FMN2: variants seen among roughly 807,000 people sequenced by gnomAD.
FMN2 encodes the protein formin-2.
A neutral mutation model predicts 142.3 loss-of-function variants in FMN2; 51 were observed. The observed-to-expected ratio is 0.36, with a 90% CI of 0.29 to 0.45. FMN2 has a LOEUF of 0.45. FMN2 is among the 20% of genes least tolerant of loss of function. The probability of loss-of-function intolerance (pLI) is 1.00; values close to 1 mark genes in which losing one functional copy is unlikely to be tolerated. For missense variants in FMN2, 1,936 were observed against 2,122.8 expected (o/e 0.91, Z 1.73); for synonymous variants, 882 against 869.8 (o/e 1.01, Z -0.25).
At chr1:240,345,361 A>G (rs1310055560) in intron 13 of FMN2, among the ~76,000 whole-genome samples, 1 of 152,216 alleles carries the variant, frequency 6.6e-6, no homozygotes, top group Non-Finnish European at 1.5e-5. Context: ...GTTAAAAGTC[A>G]GAGAATGTGA....
At chr1:240,186,118 T>G (rs1665438107) in intron 3 of FMN2, among the ~76,000 whole-genome samples, 1 of 152,186 alleles carries the variant, frequency 6.6e-6, no homozygotes, top group Non-Finnish European at 1.5e-5. Flanking sequence ...CATCATGCTA[T>G]TCTCAGTGAG....
chr1:240,232,249 CTTT>C (rs77988184), intron 6 of FMN2, among the ~76,000 whole-genome samples: 3 of 99,536 alleles, frequency 3.0e-5, no homozygotes, highest in East Asian at 2.6e-4. Context: ...CCCAGCTAAT[CTTT>C]TTTTTTTTTT....
intron 14 of FMN2, among the ~76,000 whole-genome samples, chr1:240,383,293 C>T (rs1673292569): frequency 6.6e-6 from 1 of 152,086 alleles, no homozygotes; most frequent in African/African-American, 2.4e-5. Context: ...CGCTTCTGCA[C>T]AGCAGAAGAG....
chr1:240,446,666 T>C (rs1675827518), intron 16 of FMN2, among the ~76,000 whole-genome samples: 1 of 152,238 alleles, frequency 6.6e-6, no homozygotes, highest in African/African-American at 2.4e-5. Context: ...CAAATGGTTA[T>C]AATTTGCTAG....
chr1:240,127,121 CTT>C (rs769189578), intron 2 of FMN2, among the ~76,000 whole-genome samples: 16 of 138,080 alleles, frequency 1.2e-4, no homozygotes, highest in Non-Finnish European at 9.5e-5. Context: ...AGGAATATGG[CTT>C]TTTTTTTTTT....
chr1:240,206,652 G>A, intron 4 of FMN2, 147 bp from the exon 5 acceptor site: 1 of 967,546 alleles, frequency 1.0e-6, no homozygotes, highest in South Asian at 1.8e-5. Context: ...GCAAGCCAGG[G>A]GACACATAGA....
At chr1:240,470,096 G>A in intron 16 of FMN2, among the ~76,000 whole-genome samples, 1 of 151,632 alleles carries the variant, frequency 6.6e-6, no homozygotes, top group South Asian at 2.1e-4. Flanking sequence ...AAATTAAGAT[G>A]CTTTGAGGAT....
chr1:240,094,172 C>T (rs1661118606), intron 1 of FMN2, among the ~76,000 whole-genome samples: 1 of 152,114 alleles, frequency 6.6e-6, no homozygotes, highest in African/African-American at 2.4e-5. Flanking sequence ...TATTCCGGTA[C>T]GATCCAAAGG....
chr1:240,092,037 C>G lies in FMN2; in HGVS notation c.-73C>G, dbSNP rs1223859595. On this transcript the variant is annotated 5_prime_UTR_variant, in exon 1 of 18. Transcript: ENST00000319653. ...ACTCTCCCGGGAGACTCCCTAGGCC[C>G]GGACCTGGGGCCGAGGAGGGCCGGG... The G allele has an allele frequency of 1.3e-6, 2 of 1,484,002 alleles. No homozygotes were observed. The highest frequency in any genetic ancestry group is 1.8e-6 in the Non-Finnish European group (2 of 1,122,334). The allele number at this position is 1,484,002 out of a possible 1,614,324, so 91.9% of individuals were successfully genotyped here.
chr1:240,380,667 C>A (rs1236899831), intron 14 of FMN2, among the ~76,000 whole-genome samples: 14 of 149,038 alleles, frequency 9.4e-5, no homozygotes, highest in African/African-American at 3.5e-4. Context: ...TGTAACATTG[C>A]ATCTCAAGGA....
intron 11 of FMN2, among the ~76,000 whole-genome samples, chr1:240,333,204 A>G (rs1671438468): frequency 6.6e-6 from 1 of 152,182 alleles, no homozygotes; most frequent in Admixed American, 6.5e-5. Context: ...TAAACCAGAA[A>G]GGAGGTGAAA....
intron 5 of FMN2, 62 bp downstream of exon 5, chr1:240,208,794 T>G (rs989021624): frequency 6.6e-7 from 1 of 1,509,028 alleles, no homozygotes; most frequent in Non-Finnish European, 8.9e-7. Context: ...GTGTTTACCT[T>G]CAAACTCGGG....
chr1:240,177,194 T>A (rs1257757458), intron 2 of FMN2, among the ~76,000 whole-genome samples: 1 of 152,178 alleles, frequency 6.6e-6, no homozygotes, highest in African/African-American at 2.4e-5. Context: ...GAAATCCTAA[T>A]GAGCAGTTTT....
Position 240,204,231 on chromosome 1 carries a change from T to C in FMN2, c.1987-2568T>C, listed in dbSNP as rs1216412509. ...CTTCAGCTGTCAGCAAACATCATGA[T>C]TGACCTTCAGCAAGTTAAATGTTGT... On this transcript the variant is annotated intron_variant, in intron 4 of 17. Coordinates refer to ENST00000319653, the MANE Select transcript of FMN2 (RefSeq NM_020066.5). 2.6e-5 allele frequency among the ~76,000 whole-genome samples: 4 copies of C among 152,316 alleles called. No homozygotes were observed. In the East Asian group the frequency reaches 5.8e-4, roughly 22 times the overall value.
chr1:240,115,833 C>G (rs1413718274), intron 1 of FMN2, among the ~76,000 whole-genome samples: 5 of 152,196 alleles, frequency 3.3e-5, no homozygotes, highest in African/African-American at 1.2e-4. Flanking sequence ...ATAGGCGGAG[C>G]AGCCCTGAGG....
At chr1:240,158,647 G>A (rs565813651) in intron 2 of FMN2, among the ~76,000 whole-genome samples, 1 of 152,190 alleles carries the variant, frequency 6.6e-6, no homozygotes, top group African/African-American at 2.4e-5. Flanking sequence ...GCTCTCCCAA[G>A]CTACTACTTA....
At chr1:240,122,075 A>AATTAATTTATTTATTT (rs547438686) in intron 1 of FMN2, among the ~76,000 whole-genome samples, 21 of 146,688 alleles carry the variant, frequency 1.4e-4, no homozygotes, top group African/African-American at 5.0e-4. Flanking sequence ...TTAATTAATT[A>AATTAATTTATTTATTT]ATTTATTTAT....
At chr1:240,312,833 T>C (rs1443245390) in intron 8 of FMN2, among the ~76,000 whole-genome samples, 1 of 152,156 alleles carries the variant, frequency 6.6e-6, no homozygotes, top group African/African-American at 2.4e-5. Context: ...CCAAGGAAAA[T>C]GCACTTCTCG....
At chr1:240,310,062 GA>G (rs1158272539) in intron 8 of FMN2, among the ~76,000 whole-genome samples, 1 of 152,188 alleles carries the variant, frequency 6.6e-6, no homozygotes, top group Non-Finnish European at 1.5e-5. Flanking sequence ...GTGTTTGAAA[GA>G]TAGCTGAATA....
Sources: gnomAD v4.1 joint callset for allele counts (sites outside exome capture counted in the v4.1 genomes callset) on GRCh38, gnomAD v4.1.1 for gene constraint, MANE v1.5 for transcripts, NCBI Gene and HGNC (gene_info 2026-07-23, HGNC 2026-07-21) for gene names.